The following PSMA1 variants were observed in gnomAD, a reference collection of about 807,000 sequenced individuals.
PSMA1 encodes proteasome 20S subunit alpha 1.
A neutral mutation model predicts 38.4 loss-of-function variants in PSMA1; 3 were observed. The observed-to-expected ratio is 0.08, with a 90% CI of 0.04 to 0.20. PSMA1 has a LOEUF of 0.20. PSMA1 is among the 10% of genes least tolerant of loss of function. PSMA1 has a pLI of 1.00. For synonymous variants in PSMA1, 101 were observed against 107.1 expected, an observed-to-expected ratio of 0.94 and a Z score of 0.35; for missense variants, 227 against 325.3, an observed-to-expected ratio of 0.70 and a Z score of 2.32.
At chr11:14,511,000 G>T in intron 7 of PSMA1, 49 bp from the exon 8 acceptor site, 3 of 1,273,198 alleles carry the variant, frequency 2.4e-6, no homozygotes, top group South Asian at 1.4e-5. Flanking sequence ...TGTTATGCTA[G>T]GCTTCTGTTA....
At chr11:14,562,114 T>A (rs1852016715) in intron 2 of PSMA1, among the ~76,000 whole-genome samples, 2 of 152,174 alleles carry the variant, frequency 1.3e-5, no homozygotes, top group South Asian at 4.1e-4. Flanking sequence ...ATGAACATCC[T>A]CCAGAGCTAC....
intron 7 of PSMA1, among the ~76,000 whole-genome samples, chr11:14,513,151 C>G (rs1185180535): frequency 6.6e-6 from 1 of 152,200 alleles, no homozygotes; most frequent in Admixed American, 6.5e-5. Flanking sequence ...CTCAACTACA[C>G]TGCCTTTTTA....
chr11:14,551,610 G>C (rs1222268825), intron 2 of PSMA1, among the ~76,000 whole-genome samples: 1 of 152,212 alleles, frequency 6.6e-6, no homozygotes, highest in Non-Finnish European at 1.5e-5. Flanking sequence ...GGAGATCATA[G>C]CCAATGAACT....
chr11:14,550,944 G>A (rs796771720), intron 2 of PSMA1, among the ~76,000 whole-genome samples: 8 of 152,150 alleles, frequency 5.3e-5, no homozygotes, highest in African/African-American at 1.9e-4. Context: ...TGCAAAGAGT[G>A]GGGAAATGTC....
At chr11:14,615,513 G>C (rs1852761451) in intron 1 of PSMA1, among the ~76,000 whole-genome samples, 1 of 152,196 alleles carries the variant, frequency 6.6e-6, no homozygotes, top group Non-Finnish European at 1.5e-5. Context: ...CTGAAACAGA[G>C]TTCCTGTGAG....
At chr11:14,564,984 G>A (rs1326708436) in intron 2 of PSMA1, among the ~76,000 whole-genome samples, 3 of 151,824 alleles carry the variant, frequency 2.0e-5, no homozygotes, top group Non-Finnish European at 4.4e-5. Context: ...CTTACTTTTT[G>A]TCCAGGCTGG....
chr11:14,511,754 G>A (rs1456201358), intron 7 of PSMA1, among the ~76,000 whole-genome samples: 2 of 152,088 alleles, frequency 1.3e-5, no homozygotes, highest in African/African-American at 4.8e-5. Context: ...ACAAAAAAAA[G>A]AAGGTTTGTT....
chr11:14,554,239 T>G (rs1446283974), intron 2 of PSMA1, among the ~76,000 whole-genome samples: 1 of 152,188 alleles, frequency 6.6e-6, no homozygotes, highest in Non-Finnish European at 1.5e-5. Flanking sequence ...GGTTTTTGGT[T>G]TGCAGACACC....
At chr11:14,514,512 G>A in intron 4 of PSMA1, 21 bp from the exon 5 acceptor site, 1 of 1,501,272 alleles carries the variant, frequency 6.7e-7, no homozygotes, top group Non-Finnish European at 8.9e-7. Flanking sequence ...AACAAAAAAA[G>A]TTTAGTAATT....
intron 2 of PSMA1, among the ~76,000 whole-genome samples, chr11:14,536,733 T>A (rs961126096): frequency 6.6e-6 from 1 of 152,002 alleles, no homozygotes; most frequent in Non-Finnish European, 1.5e-5. Context: ...TGCCTCAGCC[T>A]CCCGAGTAGC....
chr11:14,552,649 C>T (rs898352548), intron 2 of PSMA1, among the ~76,000 whole-genome samples: 1 of 151,912 alleles, frequency 6.6e-6, no homozygotes, highest in Admixed American at 6.6e-5. Context: ...TTAGAGTCCC[C>T]CTGGGCCCCT....
chr11:14,509,778 CAG>C, intron 8 of PSMA1, among the ~76,000 whole-genome samples: 1 of 144,344 alleles, frequency 6.9e-6, no homozygotes, highest in African/African-American at 2.6e-5. Flanking sequence ...GGCTGGAGTG[CAG>C]TGGCGCAATC....
chr11:14,630,028 T>G (rs1718836969), intron 1 of PSMA1, among the ~76,000 whole-genome samples: 6 of 151,708 alleles, frequency 4.0e-5, no homozygotes. Flanking sequence ...TCCTGAGACT[T>G]TGCTGAAGTT....
intron 1 of PSMA1, among the ~76,000 whole-genome samples, chr11:14,621,175 A>G (rs1208091739): frequency 6.6e-6 from 1 of 152,220 alleles, no homozygotes; most frequent in African/African-American, 2.4e-5. Context: ...TAGTGGGCAT[A>G]ATTGCACTCA....
chr11:14,576,856 T>C (rs1024368950), intron 2 of PSMA1, among the ~76,000 whole-genome samples: 3 of 152,214 alleles, frequency 2.0e-5, no homozygotes, highest in African/African-American at 7.2e-5. Context: ...ATTGAATCTA[T>C]AAATTACCTT....
At chr11:14,632,965 C>T (rs1438670315) in intron 1 of PSMA1, among the ~76,000 whole-genome samples, 26 of 144,196 alleles carry the variant, frequency 1.8e-4, no homozygotes, top group Middle Eastern at 7.1e-3. Flanking sequence ...ACGTAGTTCT[C>T]GAGCCTTGGT....
At chr11:14,580,672 A>T (rs1365912033) in intron 2 of PSMA1, among the ~76,000 whole-genome samples, 3 of 152,226 alleles carry the variant, frequency 2.0e-5, no homozygotes. Context: ...TTATGGCTTC[A>T]AGTCTGAAAT....
chr11:14,521,353 A>C (rs1412514222), upstream of PSMA1, among the ~76,000 whole-genome samples: 1 of 148,900 alleles, frequency 6.7e-6, no homozygotes, highest in East Asian at 2.0e-4. Flanking sequence ...AAGGCTGGGC[A>C]TGTTGGCATG....
chr11:14,567,235 T>C (rs951468922), intron 2 of PSMA1, among the ~76,000 whole-genome samples: 4 of 152,332 alleles, frequency 2.6e-5, no homozygotes, highest in East Asian at 1.9e-4. Flanking sequence ...TGCACTTTGG[T>C]GCCTCAAGAG....
Sources: gnomAD v4.1 joint callset for allele counts (sites outside exome capture counted in the v4.1 genomes callset) on GRCh38, gnomAD v4.1.1 for gene constraint, MANE v1.5 for transcripts, NCBI Gene and HGNC (gene_info 2026-07-23, HGNC 2026-07-21) for gene names.